GSG1L2: variants seen among roughly 807,000 people sequenced by gnomAD.
GSG1L2 encodes germ cell-specific gene 1-like protein 2.
A neutral mutation model predicts 9.0 loss-of-function variants in GSG1L2; 15 were observed. That is an observed-to-expected ratio of 1.67 (90% confidence interval 1.12 to 2.57). The LOEUF (loss-of-function observed/expected upper bound fraction) is 2.57. Among genes scored for constraint, GSG1L2 ranks in the 30% most tolerant of loss-of-function variants. The probability of loss-of-function intolerance (pLI) is 0.00; values close to 1 mark genes in which losing one functional copy is unlikely to be tolerated. For missense variants in GSG1L2, 286 were observed against 150.3 expected, an observed-to-expected ratio of 1.90 and a Z score of -4.72; for synonymous variants, 127 against 57.9, an observed-to-expected ratio of 2.19 and a Z score of -5.41.
In GSG1L2 at chr17:9,808,810, A is replaced by G. The variant is rs761200941; in HGVS notation, c.511+20T>C. 2 of 702,416 alleles carry G rather than the reference A, an allele frequency of 2.8e-6. No individual in the cohort carries two copies. The highest frequency in any genetic ancestry group is 1.7e-5 in the African/African-American group (1 of 57,236). The allele number at this position is 702,416 out of a possible 1,614,324, so 43.5% of individuals were successfully genotyped here. ...TTTCCCTCTGGGGCAGCCTGTTCCAAGGATGCTGTTGGAAAGTACCTGCCA... is the reference window on the plus strand; with the variant it reads ...TTTCCCTCTGGGGCAGCCTGTTCCAGGGATGCTGTTGGAAAGTACCTGCCA... On this transcript the variant is annotated intron_variant, in intron 3 of 4. Transcript: ENST00000399363.
At chr17:9,813,247 T>C (rs17810130) in intron 1 of GSG1L2, among the ~76,000 whole-genome samples, 21,231 of 152,224 alleles carry the variant, frequency 0.14, 1,750 homozygotes, top group East Asian at 0.31. Flanking sequence ...TTCACACTTC[T>C]GCATCACCCC....
chr17:9,816,928 G>GTATC (rs1555566448), intron 1 of GSG1L2, among the ~76,000 whole-genome samples: 2 of 144,632 alleles, frequency 1.4e-5, no homozygotes, highest in Admixed American at 6.8e-5. Flanking sequence ...GTGTGTGTGT[G>GTATC]TGTGTGTGTG....
rs771507318 is a variant in GSG1L2 at position 9,816,358 on chromosome 17, G to A, written c.310+5404C>T. 1.4e-4 allele frequency among the ~76,000 whole-genome samples: 15 copies of A among 108,476 alleles called. No individual in the cohort carries two copies. In the Admixed American group the frequency reaches 1.5e-3, roughly 11 times the overall value. 71.2% of individuals were successfully genotyped at this position (108,476 alleles called of 152,430 possible). On this transcript the variant is annotated intron_variant, in intron 1 of 4. Transcript: ENST00000399363. ...TCCAGAAAAATGTGCACGTGCACGC[G>A]TATGCGTGTGTCTGTGTGTGTGCGT...
intron 1 of GSG1L2, among the ~76,000 whole-genome samples, chr17:9,813,877 G>T (rs1212560746): frequency 3.3e-5 from 5 of 152,158 alleles, no homozygotes; most frequent in Non-Finnish European, 5.9e-5. Flanking sequence ...TGCAAAATGG[G>T]TCTAATGAAA....
chr17:9,810,971 T>C (rs866956499), intron 1 of GSG1L2: 5 of 313,956 alleles, frequency 1.6e-5, no homozygotes, highest in Non-Finnish European at 2.4e-5. Flanking sequence ...ATAGCTACAA[T>C]GAGGACAGAC....
At chr17:9,810,691 C>T (rs1244826843) in intron 1 of GSG1L2, 73 bp from the exon 2 acceptor site, 4 of 700,824 alleles carry the variant, frequency 5.7e-6, no homozygotes, top group Non-Finnish European at 1.0e-5. Flanking sequence ...GAATTTCTAG[C>T]CCCTTAACTG....
At chr17:9,808,306 A>C (rs1418691747) in intron 3 of GSG1L2, among the ~76,000 whole-genome samples, 3 of 152,226 alleles carry the variant, frequency 2.0e-5, no homozygotes, top group Non-Finnish European at 4.4e-5. Context: ...ATCTAAAAAA[A>C]AGGAGTTCTT....
intron 4 of GSG1L2, among the ~76,000 whole-genome samples, chr17:9,805,261 TC>T (rs1005675727): frequency 1.3e-5 from 2 of 148,728 alleles, no homozygotes; most frequent in Admixed American, 6.7e-5. Flanking sequence ...GATTAAAGGC[TC>T]CCCCCTCCCC....
At chr17:9,821,478 G>A (rs998255535) in intron 1 of GSG1L2, among the ~76,000 whole-genome samples, 1 of 152,244 alleles carries the variant, frequency 6.6e-6, no homozygotes, top group Non-Finnish European at 1.5e-5. Context: ...TGTGAATCTG[G>A]TCATTTCATC....
chr17:9,802,416 TG>T lies in GSG1L2; in HGVS notation c.851del (p.Pro284GlnfsTer60). ...AFRNVSGHLP[P>X]GAPGKVSIC ...ATATGGACACCTTGCCTGGGGCGCC[TG>T]GTGGGAGGTGTCCAGAAACATTCCT... On this transcript the variant is annotated frameshift_variant, in exon 5 of 5. Coordinates refer to ENST00000399363, the MANE Select transcript of GSG1L2 (RefSeq NM_001310219.2). LOFTEE classifies it high-confidence loss of function. 1.5e-6 allele frequency: 1 copy of T among 681,936 alleles called. No individual in the cohort carries two copies. Among genetic ancestry groups the T allele is most frequent in the Non-Finnish European group, 2.7e-6 (1 of 373,198 alleles). 42.2% of individuals were successfully genotyped at this position (681,936 alleles called of 1,614,324 possible). A position where few individuals can be genotyped will look rare whatever the true frequency, so the allele number is the denominator to read the frequency against.
rs1412392003 is a variant in GSG1L2, at chr17:9,802,399, A to T, written c.869T>A (p.Val290Glu). ...GHLPPGAPGK[V>E]SIC ...CATGGACACTGGCTAGCATATGGAC[A>T]CCTTGCCTGGGGCGCCTGGTGGGAG... Residue 290 changes from valine to glutamate, a missense_variant, in exon 5 of 5, where the codon GTG (valine) becomes GAG (glutamate). Physicochemically the swap from Val to Glu is moderately radical, Grantham distance 121 (BLOSUM62 -2). Transcript: ENST00000399363. The T allele has an allele frequency of 7.5e-6, 5 of 667,492 alleles. No homozygotes were observed. In the East Asian group the frequency reaches 1.4e-4, roughly 18 times the overall value. 41.3% of individuals were successfully genotyped at this position (667,492 alleles called of 1,614,324 possible).
At chr17:9,811,878 A>G (rs1446337243) in intron 1 of GSG1L2, among the ~76,000 whole-genome samples, 1 of 152,092 alleles carries the variant, frequency 6.6e-6, no homozygotes, top group Non-Finnish European at 1.5e-5. Context: ...TGCCTGAGAC[A>G]AGGGAGCCGC....
Position 9,818,757 on chromosome 17 carries a change from C to T in GSG1L2, c.310+3005G>A, listed in dbSNP as rs181364729. ...TAAATCCACCTCCACAATCCAATCA[C>T]CTCCCACCAGCCTCCACCTCTAACA... On this transcript the variant is annotated intron_variant, in intron 1 of 4. Transcript: ENST00000399363. Among the ~76,000 whole-genome samples, 8 of 138,562 alleles carry T rather than the reference C, an allele frequency of 5.8e-5. No homozygotes were observed. The East Asian group carries it at 1.8e-3, about 31-fold the overall frequency. 90.9% of individuals were successfully genotyped at this position (138,562 alleles called of 152,430 possible).
intron 1 of GSG1L2, among the ~76,000 whole-genome samples, chr17:9,821,192 C>T (rs541895713): frequency 6.6e-6 from 1 of 152,232 alleles, no homozygotes; most frequent in East Asian, 1.9e-4. Flanking sequence ...GTACTCTGTC[C>T]CTGAACGCGG....
At position 9,806,287 on chromosome 17, in the gene GSG1L2, T is replaced by A. The variant is rs2066515964; in HGVS notation, c.623+1203A>T. On this transcript the variant is annotated intron_variant, in intron 4 of 4. Coordinates refer to ENST00000399363, the MANE Select transcript of GSG1L2 (RefSeq NM_001310219.2). ...CTGTTCTCCCACCTCCTTATTGGGCTGCCCTGTGAATAAATGTTTTATCTG... is the reference window on the plus strand; with the variant it reads ...CTGTTCTCCCACCTCCTTATTGGGCAGCCCTGTGAATAAATGTTTTATCTG... Among the ~76,000 whole-genome samples the A allele has an allele frequency of 2.6e-5, 4 of 152,182 alleles. No individual in the cohort carries two copies. In the South Asian group the frequency reaches 8.3e-4, roughly 31 times the overall value.
At position 9,802,644 on chromosome 17, in the gene GSG1L2, G is replaced by A; in HGVS notation, c.624C>T (p.Cys208=). 1.4e-6 allele frequency: 1 copy of A among 702,822 alleles called. No individual in the cohort carries two copies. The highest frequency in any genetic ancestry group is 2.6e-6 in the Non-Finnish European group (1 of 384,924). 43.5% of individuals were successfully genotyped at this position (702,822 alleles called of 1,614,324 possible). Residue 208 remains cysteine, a splice_region_variant and synonymous_variant, in exon 5 of 5, where the codon TGC becomes TGT. Transcript: ENST00000399363. Reference sequence around the variant, plus strand: ...AGAGGGCGAAAGAACCCCAGGCAAGGCTGTCAACAGAAGGCACCGTTAGGA... The same window carrying A: ...AGAGGGCGAAAGAACCCCAGGCAAGACTGTCAACAGAAGGCACCGTTAGGA... ...PQTWDYGWSY[C]LAWGSFALCL...
chr17:9,815,456 A>G (rs2066555848), intron 1 of GSG1L2, among the ~76,000 whole-genome samples: 1 of 152,186 alleles, frequency 6.6e-6, no homozygotes, highest in African/African-American at 2.4e-5. Flanking sequence ...CAATAGTCTT[A>G]TAGAATATTA....
chr17:9,816,709 CTGTGTGTATCTGTGTCTGTGTGTGCA>C (rs1567711410), intron 1 of GSG1L2, among the ~76,000 whole-genome samples: 16 of 135,940 alleles, frequency 1.2e-4, no homozygotes, highest in African/African-American at 4.3e-4. Flanking sequence ...GCATGCGTGT[CTGTGTGTATCTGTGTCTGTGTGTGCA>C]TGTGTGTATC....
At position 9,802,272 on chromosome 17, in the gene GSG1L2, G is replaced by C; in HGVS notation, c.*114C>G. On this transcript the variant is annotated 3_prime_UTR_variant, in exon 5 of 5. Transcript: ENST00000399363. ...GGTGAGATGTGGAGGGGTGGGGATG[G>C]AAGCTTTCCCTGGACAACAATCTCC... 3.5e-6 allele frequency: 2 copies of C among 575,566 alleles called. No homozygotes were observed. Among genetic ancestry groups the C allele is most frequent in the East Asian group, 2.8e-5 (1 of 36,038 alleles). 35.7% of individuals were successfully genotyped at this position (575,566 alleles called of 1,614,324 possible).
Sources: allele counts gnomAD v4.1 joint callset (sites outside exome capture counted in the v4.1 genomes callset), GRCh38; gene constraint gnomAD v4.1.1; transcripts MANE v1.5; gene names NCBI Gene and HGNC (gene_info 2026-07-23, HGNC 2026-07-21).